Variants in RASEF observed in about 807,000 individuals in gnomAD.
RASEF encodes the protein ras and EF-hand domain-containing protein.
RASEF carries 68 observed loss-of-function variants against 90.1 expected under a neutral mutation model. The observed-to-expected ratio is 0.75, with a 90% confidence interval of 0.62 to 0.92. The LOEUF is 0.92. Ranked by LOEUF, RASEF falls within the 40% of genes least tolerant of loss-of-function variation. The pLI is 0.00. For synonymous variants in RASEF, 331 were observed against 345.2 expected (o/e 0.96, Z 0.46); for missense variants, 949 against 937.2 (o/e 1.01, Z -0.16).
At chr9:83,047,497 C>T (rs1377275779) in intron 1 of RASEF, among the ~76,000 whole-genome samples, 3 of 152,154 alleles carry the variant, frequency 2.0e-5, no homozygotes, top group African/African-American at 4.8e-5. Flanking sequence ...ACTTTTCACA[C>T]ATCTTAAAAA....
chr9:83,178,439 G>C, the RASEF span, among the ~76,000 whole-genome samples: 1 of 152,074 alleles, frequency 6.6e-6, no homozygotes, highest in South Asian at 2.1e-4. Flanking sequence ...CTACTCTTAA[G>C]TACTGGTGCA....
the RASEF span, among the ~76,000 whole-genome samples, chr9:83,175,089 C>T: frequency 6.6e-6 from 1 of 152,096 alleles, no homozygotes; most frequent in African/African-American, 2.4e-5. Context: ...TTTAATTCTT[C>T]CTTTTCAATC....
the RASEF span, among the ~76,000 whole-genome samples, chr9:83,107,500 T>A: frequency 1.3e-5 from 2 of 152,158 alleles, no homozygotes; most frequent in South Asian, 2.1e-4. Context: ...AAACCTCTGT[T>A]TTCTATTTCC....
the RASEF span, among the ~76,000 whole-genome samples, chr9:83,074,265 T>C: frequency 6.6e-6 from 1 of 152,208 alleles, no homozygotes; most frequent in Non-Finnish European, 1.5e-5. Flanking sequence ...CAGCTGAGCC[T>C]GGATTCTAAG....
the RASEF span, among the ~76,000 whole-genome samples, chr9:83,164,492 G>A: frequency 6.7e-6 from 1 of 149,408 alleles, no homozygotes; most frequent in Non-Finnish European, 1.5e-5. Flanking sequence ...TTTTGAAGGT[G>A]GACATGGATT....
At position 83,000,262 on chromosome 9, in the gene RASEF, T is replaced by A. The variant is rs747135098; in HGVS notation, c.1630A>T (p.Ile544Phe). 1 of 1,614,032 alleles carries A rather than the reference T, an allele frequency of 6.2e-7. No homozygotes were observed. Among genetic ancestry groups the A allele is most frequent in the Admixed American group, 1.7e-5 (1 of 60,014 alleles). The change falls in exon 12 of 17, where the codon ATT becomes TTT. Residue 544 changes from isoleucine to phenylalanine, a missense_variant. Coordinates refer to ENST00000376447, the MANE Select transcript of RASEF (RefSeq NM_152573.4). ...KSFSSQKAYK[I>F]VLAGDAAVGK... Reference sequence around the variant, plus strand: ...ACTGCAGCGTCCCCAGCAAGTACAATCTTGTAAGCCTTCTGTGAGCTAAAA... The same window carrying A: ...ACTGCAGCGTCCCCAGCAAGTACAAACTTGTAAGCCTTCTGTGAGCTAAAA...
the RASEF span, among the ~76,000 whole-genome samples, chr9:83,137,139 T>C: frequency 6.6e-6 from 1 of 152,134 alleles, no homozygotes; most frequent in African/African-American, 2.4e-5. Context: ...ATGTCTGTAA[T>C]AGCCTATATT....
At chr9:83,169,051 A>AT in the RASEF span, among the ~76,000 whole-genome samples, 26 of 148,184 alleles carry the variant, frequency 1.8e-4, no homozygotes, top group South Asian at 6.4e-4. Context: ...CCAAGAGATC[A>AT]TTTTTTTTTT....
chr9:83,021,527 C>T (rs1007105487), intron 3 of RASEF, among the ~76,000 whole-genome samples: 1 of 152,208 alleles, frequency 6.6e-6, no homozygotes, highest in Non-Finnish European at 1.5e-5. Flanking sequence ...TCACTTTCAA[C>T]TTTAAATGGT....
Position 83,055,456 on chromosome 9 carries a change from G to A in RASEF, c.431+6981C>T, listed in dbSNP as rs549691031. 1.3e-4 allele frequency: 85 copies of A among 652,688 alleles called. 1 individual carries two copies. The highest frequency in any genetic ancestry group is 2.1e-4 in the Non-Finnish European group (76 of 356,462). The allele number at this position is 652,688 out of a possible 1,614,324, so 40.4% of individuals were successfully genotyped here. On this transcript the variant is annotated intron_variant, in intron 1 of 16. Coordinates refer to ENST00000376447, the MANE Select transcript of RASEF (RefSeq NM_152573.4). The stretch of plus-strand genomic sequence containing the variant: ...TGCGCCCACTGTCTCGCACTCCGTA[G>A]TGAGATGAACCCGGTACCTCAGATG...
chr9:83,062,880 G>T lies in RASEF; in HGVS notation c.-13C>A. ...CATCCGCCTCCATCCCGCCTGGCGG[G>T]GGCGGCCGAGAGGGCTCCGGAGCGC... On this transcript the variant is annotated 5_prime_UTR_variant, in exon 1 of 17. Coordinates refer to ENST00000376447, the MANE Select transcript of RASEF (RefSeq NM_152573.4). 6.8e-7 allele frequency: 1 copy of T among 1,476,396 alleles called. No homozygotes were observed. The highest frequency in any genetic ancestry group is 8.9e-7 in the Non-Finnish European group (1 of 1,123,868). The allele number at this position is 1,476,396 out of a possible 1,614,324, so 91.5% of individuals were successfully genotyped here. A position where few individuals can be genotyped will look rare whatever the true frequency, so the allele number is the denominator to read the frequency against.
intron 1 of RASEF, among the ~76,000 whole-genome samples, chr9:83,029,557 TA>T (rs1280613630): frequency 9.3e-6 from 1 of 107,850 alleles, no homozygotes; most frequent in East Asian, 3.1e-4. Context: ...CACACCAAAC[TA>T]ATTTTTTTTT....
intron 12 of RASEF, among the ~76,000 whole-genome samples, 173 bp from the exon 13 acceptor site, chr9:82,998,619 C>A (rs565718007): frequency 1.3e-4 from 20 of 152,116 alleles, no homozygotes; most frequent in Non-Finnish European, 2.1e-4. Context: ...CAAGTCAGAC[C>A]ACACGTGTGT....
At chr9:83,181,886 G>C in the RASEF span, among the ~76,000 whole-genome samples, 1 of 152,058 alleles carries the variant, frequency 6.6e-6, no homozygotes, top group Non-Finnish European at 1.5e-5. Flanking sequence ...TACACACTTT[G>C]GTAAACAAAA....
the RASEF span, among the ~76,000 whole-genome samples, chr9:83,083,508 T>C: frequency 0.044 from 6,757 of 152,174 alleles, 491 homozygotes; most frequent in African/African-American, 0.15. Context: ...AGCATCACTA[T>C]CATCATATGT....
chr9:83,089,626 G>T, the RASEF span, among the ~76,000 whole-genome samples: 1 of 152,156 alleles, frequency 6.6e-6, no homozygotes, highest in East Asian at 1.9e-4. Flanking sequence ...TCCATATTTT[G>T]ATAAGAAATC....
chr9:83,043,398 G>GA (rs67195097), intron 1 of RASEF, among the ~76,000 whole-genome samples: 5,446 of 82,508 alleles, frequency 0.066, 297 homozygotes, highest in African/African-American at 0.27. Flanking sequence ...TGCAGTGATT[G>GA]GGGGGGGGGA....
At chr9:83,017,408 G>C (rs1829362432) in intron 3 of RASEF, among the ~76,000 whole-genome samples, 1 of 151,966 alleles carries the variant, frequency 6.6e-6, no homozygotes, top group African/African-American at 2.4e-5. Flanking sequence ...GCTGAGGCAG[G>C]AGAATGGCGT....
the RASEF span, among the ~76,000 whole-genome samples, chr9:83,103,735 CA>C: frequency 6.6e-6 from 1 of 152,152 alleles, no homozygotes; most frequent in Non-Finnish European, 1.5e-5. Context: ...GATTGTGAAT[CA>C]AAAGCCCATC....
Sources: gnomAD v4.1 joint callset for allele counts (sites outside exome capture counted in the v4.1 genomes callset) on GRCh38, gnomAD v4.1.1 for gene constraint, MANE v1.5 for transcripts, NCBI Gene and HGNC (gene_info 2026-07-23, HGNC 2026-07-21) for gene names.